ROCK2: variants seen among roughly 807,000 people sequenced by gnomAD.
The protein encoded by ROCK2 is rho-associated protein kinase 2.
ROCK2 carries 61 observed loss-of-function variants against 195.1 expected under a neutral mutation model. The ratio of observed to expected loss-of-function variants is 0.31; its 90% confidence interval spans 0.25 to 0.39. The LOEUF is 0.39. Among genes scored for constraint, ROCK2 ranks in the 10% least tolerant of loss-of-function variants. ROCK2 has a pLI of 1.00. For synonymous variants in ROCK2, 504 were observed against 545.5 expected (o/e 0.92, Z 1.06); for missense variants, 1,109 against 1,637.4 (o/e 0.68, Z 5.57).
At chr2:11,289,551 T>C (rs1393823879) in intron 1 of ROCK2, among the ~76,000 whole-genome samples, 1 of 152,180 alleles carries the variant, frequency 6.6e-6, no homozygotes, top group East Asian at 1.9e-4. Context: ...AAATATAAAT[T>C]GACAAGGAAA....
chr2:11,182,922 T>C lies in ROCK2; in HGVS notation c.*515A>G, dbSNP rs1663059742. On this transcript the variant is annotated 3_prime_UTR_variant, in exon 33 of 33. Coordinates refer to ENST00000315872, the MANE Select transcript of ROCK2 (RefSeq NM_004850.5). ...TGTGTATAAAAAATAAAGTGGGAAG[T>C]TTAAAAAACCTTCTTGCAGTATTAG... 6.6e-6 allele frequency: 1 copy of C among 151,904 alleles called. No homozygotes were observed. The highest frequency in any genetic ancestry group is 1.5e-5 in the Non-Finnish European group (1 of 67,944). The allele number at this position is 151,904 out of a possible 1,614,324, so 9.4% of individuals were successfully genotyped here.
In ROCK2 at chr2:11,252,939, T is replaced by TATAATAATA. The variant is rs199970738; in HGVS notation, c.325-3150_325-3142dup. Among the ~76,000 whole-genome samples, 248 of 143,332 alleles carry TATAATAATA rather than the reference T, an allele frequency of 1.7e-3. 3 individuals are homozygous for TATAATAATA. The highest frequency in any genetic ancestry group is 2.9e-3 in the East Asian group (14 of 4,896). 94.0% of individuals were successfully genotyped at this position (143,332 alleles called of 152,430 possible). On this transcript the variant is annotated intron_variant, in intron 3 of 32. Transcript: ENST00000315872. ...GTGCATGTATCCCAGAACTTAAAAG[T>TATAATAATA]ATAATAATAATAATAATAATAATAA...
intron 20 of ROCK2, among the ~76,000 whole-genome samples, chr2:11,204,688 T>C (rs1445620390): frequency 2.0e-5 from 3 of 152,216 alleles, no homozygotes; most frequent in Non-Finnish European, 2.9e-5. Flanking sequence ...AAATTTATAT[T>C]GGCAGTAATT....
chr2:11,277,423 AC>A (rs1258292971), intron 3 of ROCK2, among the ~76,000 whole-genome samples: 1 of 65,334 alleles, frequency 1.5e-5, no homozygotes, highest in Non-Finnish European at 4.3e-5. Flanking sequence ...ATTTTGGTGC[AC>A]CCATCCCCCA....
At chr2:11,277,262 C>T (rs1666856887) in intron 3 of ROCK2, among the ~76,000 whole-genome samples, 1 of 152,192 alleles carries the variant, frequency 6.6e-6, no homozygotes, top group Non-Finnish European at 1.5e-5. Flanking sequence ...AGAATAGGTT[C>T]ACTGCCCCAC....
chr2:11,296,800 G>T (rs934406154), intron 1 of ROCK2, among the ~76,000 whole-genome samples: 8 of 152,170 alleles, frequency 5.3e-5, no homozygotes, highest in Non-Finnish European at 8.8e-5. Context: ...CAACATTTAA[G>T]TCTCAGGGCT....
chr2:11,300,300 T>A (rs1274681021), intron 1 of ROCK2, among the ~76,000 whole-genome samples: 1 of 152,232 alleles, frequency 6.6e-6, no homozygotes, highest in Non-Finnish European at 1.5e-5. Flanking sequence ...TTCGCTCTTG[T>A]TGCCCAGGCT....
chr2:11,310,491 A>C, intron 1 of ROCK2, among the ~76,000 whole-genome samples: 1 of 152,220 alleles, frequency 6.6e-6, no homozygotes, highest in East Asian at 1.9e-4. Context: ...TACACAACTC[A>C]TTGACTCGTA....
chr2:11,254,986 G>A (rs1284694398), intron 3 of ROCK2, among the ~76,000 whole-genome samples: 1 of 152,006 alleles, frequency 6.6e-6, no homozygotes, highest in Non-Finnish European at 1.5e-5. Flanking sequence ...GGGAGGCTGA[G>A]GCGGGCAGAT....
intron 11 of ROCK2, 77 bp downstream of exon 11, chr2:11,218,378 G>T: frequency 9.0e-7 from 1 of 1,111,724 alleles, no homozygotes; most frequent in Non-Finnish European, 1.3e-6. Context: ...TGCTAGGTAG[G>T]ATATGACTAT....
chr2:11,249,262 G>T (rs1665742631), intron 4 of ROCK2, among the ~76,000 whole-genome samples: 1 of 152,050 alleles, frequency 6.6e-6, no homozygotes, highest in African/African-American at 2.4e-5. Context: ...CAACGTGCAG[G>T]TCTGTTACAT....
chr2:11,300,573 G>A (rs1667673395), intron 1 of ROCK2, among the ~76,000 whole-genome samples: 1 of 151,966 alleles, frequency 6.6e-6, no homozygotes, highest in African/African-American at 2.4e-5. Flanking sequence ...CAACAACTAT[G>A]GTTTAAAAGA....
intron 28 of ROCK2, 49 bp from the exon 29 acceptor site, chr2:11,194,393 C>A: frequency 1.5e-6 from 1 of 687,742 alleles, no homozygotes; most frequent in South Asian, 3.1e-5. Context: ...TTTTATATAC[C>A]TTATTTATTG....
At chr2:11,193,960 C>T in intron 29 of ROCK2, 103 bp from the exon 30 acceptor site, 2 of 542,528 alleles carry the variant, frequency 3.7e-6, no homozygotes, top group Non-Finnish European at 3.1e-6. Context: ...ACTACTTTGA[C>T]CCATGTTAGG....
chr2:11,267,935 C>T (rs1666477106), intron 3 of ROCK2, among the ~76,000 whole-genome samples: 1 of 151,820 alleles, frequency 6.6e-6, no homozygotes, highest in African/African-American at 2.4e-5. Context: ...GTGTGAGCCA[C>T]CGCGCCTGGC....
chr2:11,250,142 G>A (rs913204415), intron 3 of ROCK2, among the ~76,000 whole-genome samples: 1 of 151,946 alleles, frequency 6.6e-6, no homozygotes, highest in Non-Finnish European at 1.5e-5. Context: ...TAAAATATAT[G>A]TCTACTGAAA....
chr2:11,295,994 A>AGGGG (rs70953383), intron 1 of ROCK2, among the ~76,000 whole-genome samples: 4 of 34,954 alleles, frequency 1.1e-4, no homozygotes, highest in Non-Finnish European at 1.2e-4. Context: ...GAGAGAGGAG[A>AGGGG]GAGAGAGAGA....
intron 7 of ROCK2, among the ~76,000 whole-genome samples, 178 bp downstream of exon 7, chr2:11,224,144 C>G (rs1201893663): frequency 5.3e-5 from 8 of 152,122 alleles, no homozygotes; most frequent in Admixed American, 5.2e-4. Flanking sequence ...GCTGTACACA[C>G]ATAACAACAA....
intron 1 of ROCK2, among the ~76,000 whole-genome samples, chr2:11,310,143 T>C (rs1054545018): frequency 6.6e-5 from 10 of 152,164 alleles, no homozygotes; most frequent in African/African-American, 2.4e-4. Context: ...TAATAAATAC[T>C]GTGTATTTCA....
Sources: gnomAD v4.1 joint callset for allele counts (sites outside exome capture counted in the v4.1 genomes callset) on GRCh38, gnomAD v4.1.1 for gene constraint, MANE v1.5 for transcripts, NCBI Gene and HGNC (gene_info 2026-07-23, HGNC 2026-07-21) for gene names.